The following P4HB variants were observed in gnomAD, a reference collection of about 807,000 sequenced individuals.
The protein encoded by P4HB is prolyl 4-hydroxylase subunit beta.
A neutral mutation model predicts 52.6 loss-of-function variants in P4HB; 20 were observed. The observed-to-expected ratio is 0.38, with a 90% confidence interval of 0.27 to 0.55. The LOEUF (loss-of-function observed/expected upper bound fraction) is 0.55, where lower values mean the gene tolerates loss of function less well. Ranked by LOEUF, P4HB falls within the 20% of genes least tolerant of loss-of-function variation. The pLI, the probability that P4HB is intolerant of heterozygous loss-of-function variation, is 0.74. For synonymous variants in P4HB, 296 were observed against 277.9 expected (o/e 1.07, Z -0.65); for missense variants, 601 against 669.2 (o/e 0.90, Z 1.12).
chr17:81,853,994 G>A (rs2038875314), intron 4 of P4HB, among the ~76,000 whole-genome samples: 1 of 152,238 alleles, frequency 6.6e-6, no homozygotes, highest in African/African-American at 2.4e-5. Flanking sequence ...CTGGTAACGG[G>A]GAGAGGCGGC....
Position 81,855,207 on chromosome 17 carries a change from T to A in P4HB, c.559A>T (p.Thr187Ser), listed in dbSNP as rs866092010. The A allele has an allele frequency of 6.2e-7, 1 of 1,613,892 alleles. No homozygotes were observed. The highest frequency in any genetic ancestry group is 8.5e-7 in the Non-Finnish European group (1 of 1,179,946). The change falls in exon 4 of 11, where the codon ACT becomes TCT. Residue 187 changes from threonine (T) to serine (S), a missense_variant. Transcript: ENST00000331483. This position sits in a 1 kb window ranked among gnomAD's most constrained non-coding sequence, Gnocchi z 4.3. ...EAIDDIPFGI[T>S]SNSDVFSKYQ... is the part of the protein sequence containing the mutation. The stretch of plus-strand genomic sequence containing the variant: ...TTGGAGAACACGTCACTGTTGGAAG[T>A]GATCCCAAATGGTATGTCATCGATG...
In P4HB at chr17:81,846,740, G is replaced by C; in HGVS notation, c.856-111C>G. ...TCCGGTGCCTTTTTCCTCCAACCTGGATTCCGGGGTTGCCCAACCAGACCA... is the reference window on the plus strand; with the variant it reads ...TCCGGTGCCTTTTTCCTCCAACCTGCATTCCGGGGTTGCCCAACCAGACCA... On this transcript the variant is annotated intron_variant, in intron 6 of 10. Coordinates refer to ENST00000331483, the MANE Select transcript of P4HB (RefSeq NM_000918.4). This position sits in a 1 kb window ranked among gnomAD's most constrained non-coding sequence, Gnocchi z 5.7. The C allele has an allele frequency of 7.8e-7, 1 of 1,289,344 alleles. No individual in the cohort carries two copies. The highest frequency in any genetic ancestry group is 1.1e-6 in the Non-Finnish European group (1 of 915,736). 79.9% of individuals were successfully genotyped at this position (1,289,344 alleles called of 1,614,324 possible).
intron 2 of P4HB, among the ~76,000 whole-genome samples, chr17:81,858,238 C>CTTCAGCCAGG (rs111460757): frequency 8.4e-6 from 1 of 119,228 alleles, no homozygotes; most frequent in Non-Finnish European, 1.7e-5. Context: ...CACCACTGCA[C>CTTCAGCCAGG]GACAGAGCGA....
In P4HB at chr17:81,843,953, T is replaced by G; in HGVS notation, c.*59A>C. 2.4e-6 allele frequency: 3 copies of G among 1,266,618 alleles called. No homozygotes were observed. The highest frequency in any genetic ancestry group is 3.5e-6 in the Non-Finnish European group (3 of 864,460). 78.5% of individuals were successfully genotyped at this position (1,266,618 alleles called of 1,614,324 possible). On this transcript the variant is annotated 3_prime_UTR_variant, in exon 11 of 11. Coordinates refer to ENST00000331483, the MANE Select transcript of P4HB (RefSeq NM_000918.4). ...GGCCGCAGGCTTCGGAGGCGTGCGC[T>G]GCTGCTGGGTGTGCAGCCCCCGAGG...
chr17:81,853,781 C>T (rs1226874375), intron 4 of P4HB, among the ~76,000 whole-genome samples: 2 of 152,154 alleles, frequency 1.3e-5, no homozygotes, highest in Non-Finnish European at 2.9e-5. Flanking sequence ...TCCCCAGGTC[C>T]CTCCTCTCCC....
Position 81,846,963 on chromosome 17 carries a change from T to C in P4HB, c.839A>G (p.Glu280Gly), listed in dbSNP as rs1399568857. The C allele has an allele frequency of 1.5e-5, 24 of 1,614,020 alleles. No homozygotes were observed. The highest frequency in any genetic ancestry group is 1.9e-5 in the Non-Finnish European group (22 of 1,180,022). ...GCAGCTCACCTTGCCCTTGAAGCTC[T>C]CGGCTGCTGTTTTGAAGTTGCTCAG... The part of the protein sequence containing the change: ...GKLSNFKTAA[E>G]SFKGKILFIF... Residue 280 changes from glutamate (E) to glycine (G), a missense_variant, in exon 6 of 11, where the codon GAG becomes GGG. Glu to Gly is a moderately conservative substitution (Grantham distance 98). Transcript: ENST00000331483. This position sits in a 1 kb window ranked among gnomAD's most constrained non-coding sequence, Gnocchi z 5.7.
At chr17:81,859,008 T>C (rs2038957312) in intron 2 of P4HB, 173 bp downstream of exon 2, 1 of 612,310 alleles carries the variant, frequency 1.6e-6, no homozygotes, top group East Asian at 2.8e-5. Context: ...GGATGAAAAC[T>C]CCTCACAAGA....
intron 10 of P4HB, among the ~76,000 whole-genome samples, chr17:81,844,402 G>C (rs934759178): frequency 6.6e-6 from 1 of 152,170 alleles, no homozygotes; most frequent in Non-Finnish European, 1.5e-5. Context: ...CTCCCAGCTT[G>C]GCACCATGGA....
chr17:81,860,209 C>T, intron 1 of P4HB, 118 bp downstream of exon 1: 2 of 825,652 alleles, frequency 2.4e-6, no homozygotes, highest in Non-Finnish European at 1.7e-6. Context: ...GCAAGGGAGC[C>T]CTTCAGTTCC....
chr17:81,845,618 G>A lies in P4HB; in HGVS notation c.1302C>T (p.Ala434=), dbSNP rs199614682. Residue 434 remains alanine, a synonymous_variant, in exon 9 of 11, where the codon GCC becomes GCT. Transcript: ENST00000331483. The stretch of plus-strand genomic sequence containing the variant: ...GTGTGGGGAAGCTGTGCACTTTGAC[G>A]GCCTCCACCTCGTTGGCAGTCGAGT... The part of the protein sequence containing the change: ...KMDSTANEVE[A]VKVHSFPTLK... 9.1e-5 allele frequency: 147 copies of A among 1,612,696 alleles called. No homozygotes were observed. The highest frequency in any genetic ancestry group is 1.1e-4 in the Non-Finnish European group (134 of 1,179,032).
At position 81,846,852 on chromosome 17, in the gene P4HB, C is replaced by A; in HGVS notation, c.855+95G>T. On this transcript the variant is annotated intron_variant, in intron 6 of 10. Coordinates refer to ENST00000331483, the MANE Select transcript of P4HB (RefSeq NM_000918.4). The surrounding 1 kb of genome is among the most constrained non-coding windows in gnomAD (Gnocchi z 5.7). ...GAATCAGGTGCCCGATCCAGTCCAG[C>A]AGGCAGCCTCAGGAAGGCCCCACAC... 6.7e-7 allele frequency: 1 copy of A among 1,486,936 alleles called. No homozygotes were observed. Among genetic ancestry groups the A allele is most frequent in the South Asian group, 1.2e-5 (1 of 84,320 alleles). The allele number at this position is 1,486,936 out of a possible 1,614,324, so 92.1% of individuals were successfully genotyped here. A position where few individuals can be genotyped will look rare whatever the true frequency, so the allele number is the denominator to read the frequency against.
intron 1 of P4HB, 98 bp from the exon 2 acceptor site, chr17:81,859,485 A>AT (rs1471556369): frequency 1.9e-6 from 2 of 1,077,882 alleles, no homozygotes; most frequent in African/African-American, 3.1e-5. Context: ...ATTTCCCTTC[A>AT]TAAAAACCTT....
At chr17:81,859,462 T>C in intron 1 of P4HB, 75 bp from the exon 2 acceptor site, 7 of 1,278,636 alleles carry the variant, frequency 5.5e-6, no homozygotes, top group African/African-American at 1.5e-5. Flanking sequence ...AGTGCTTCCC[T>C]TTTTCCTCTG....
chr17:81,848,774 G>C, intron 4 of P4HB, among the ~76,000 whole-genome samples: 1 of 146,016 alleles, frequency 6.8e-6, no homozygotes, highest in East Asian at 2.0e-4. Flanking sequence ...GCCAGGTGCA[G>C]TGGCTCACAC....
Position 81,855,587 on chromosome 17 carries a change from C to G in P4HB, c.353-1G>C. On this transcript the variant is annotated splice_acceptor_variant, in intron 2 of 10. Coordinates refer to ENST00000331483, the MANE Select transcript of P4HB (RefSeq NM_000918.4). LOFTEE classifies it high-confidence loss of function. The surrounding 1 kb of genome is among the most constrained non-coding windows in gnomAD (Gnocchi z 4.3). ...ACGATGTCATCAGCCTCTCTGCCAG[C>G]TAACCCCAAACAAATGTAGGTTCTA... The G allele has an allele frequency of 6.2e-7, 1 of 1,612,542 alleles. No homozygotes were observed. Among genetic ancestry groups the G allele is most frequent in the Non-Finnish European group, 8.5e-7 (1 of 1,179,232 alleles).
In P4HB at chr17:81,860,394, G is replaced by A; in HGVS notation, c.78C>T (p.Val26=). The change falls in exon 1 of 11, where the codon GTC becomes GTT. Residue 26 remains valine (V), a synonymous_variant. Coordinates refer to ENST00000331483, the MANE Select transcript of P4HB (RefSeq NM_000918.4). ...RADAPEEEDH[V]LVLRKSNFAE... ...CGAAGTTGCTTTTCCGCAGCACCAG[G>A]ACGTGGTCCTCCTCCTCGGGGGCGT... 1 of 1,463,518 alleles carries A rather than the reference G, an allele frequency of 6.8e-7. No homozygotes were observed. Among genetic ancestry groups the A allele is most frequent in the Admixed American group, 2.6e-5 (1 of 38,634 alleles). 90.7% of individuals were successfully genotyped at this position (1,463,518 alleles called of 1,614,324 possible).
At chr17:81,852,880 G>A (rs766243932) in intron 4 of P4HB, among the ~76,000 whole-genome samples, 1 of 152,258 alleles carries the variant, frequency 6.6e-6, no homozygotes, top group African/African-American at 2.4e-5. Context: ...CGCGAGTTTC[G>A]TGGGCTCTGG....
At position 81,846,726 on chromosome 17, in the gene P4HB, T is replaced by A. The variant is rs555628807; in HGVS notation, c.856-97A>T. The A allele has an allele frequency of 7.1e-5, 96 of 1,345,484 alleles. No homozygotes were observed. The South Asian group carries it at 1.1e-3, about 16-fold the overall frequency. 83.3% of individuals were successfully genotyped at this position (1,345,484 alleles called of 1,614,324 possible). A position where few individuals can be genotyped will look rare whatever the true frequency, so the allele number is the denominator to read the frequency against. On this transcript the variant is annotated intron_variant, in intron 6 of 10. Coordinates refer to ENST00000331483, the MANE Select transcript of P4HB (RefSeq NM_000918.4). The surrounding 1 kb of genome is among the most constrained non-coding windows in gnomAD (Gnocchi z 5.7). The stretch of plus-strand genomic sequence containing the variant: ...GAAGCAGACCGTGCTCCGGTGCCTT[T>A]TTCCTCCAACCTGGATTCCGGGGTT...
At chr17:81,854,799 G>A (rs564300296) in intron 4 of P4HB, among the ~76,000 whole-genome samples, 2 of 146,682 alleles carry the variant, frequency 1.4e-5, no homozygotes, top group African/African-American at 2.6e-5. Flanking sequence ...CCGAGATCAC[G>A]CAACTGCACT....
Sources: allele counts gnomAD v4.1 joint callset (sites outside exome capture counted in the v4.1 genomes callset), GRCh38; gene constraint gnomAD v4.1.1; non-coding constraint Gnocchi (gnomAD v3.1); transcripts MANE v1.5; gene names NCBI Gene and HGNC (gene_info 2026-07-23, HGNC 2026-07-21).